TTN: variants seen among roughly 807,000 people sequenced by gnomAD.
The protein encoded by TTN is connectin.
In TTN, 1,525 loss-of-function variants were observed where a neutral mutation model predicts 3,223.0. The ratio of observed to expected loss-of-function variants is 0.47; its 90% CI spans 0.45 to 0.49. The LOEUF (loss-of-function observed/expected upper bound fraction) is 0.49, where lower values mean the gene tolerates loss of function less well. TTN is among the 20% of genes least tolerant of loss of function. The pLI is 0.00. For missense variants in TTN, 40,786 were observed against 43,424.0 expected (o/e 0.94, Z 5.40); for synonymous variants, 14,094 against 15,161.0 (o/e 0.93, Z 5.17).
At chr2:178,663,561 A>G in intron 171 of TTN, 45 bp from the exon 172 acceptor site, 1 of 1,613,750 alleles carries the variant, frequency 6.2e-7, no homozygotes, top group Non-Finnish European at 8.5e-7. Flanking sequence ...TATGAAGACC[A>G]CTAGAAAAAT....
rs981058403 is a variant in TTN, at chr2:178,625,040, G to A, written c.44548+233C>T. On this transcript the variant is annotated intron_variant, in intron 241 of 362. Transcript: ENST00000589042. ...GCTGGCTTTTGAAAATCTAGGATGT[G>A]CAATAAAAACAATAGAGATGGAAGG... is the stretch of plus-strand genomic sequence containing the variant. 3.3e-5 allele frequency among the ~76,000 whole-genome samples: 5 copies of A among 151,798 alleles called. No individual in the cohort carries two copies. The South Asian group carries it at 1.0e-3, about 31-fold the overall frequency.
At position 178,683,475 on chromosome 2, in the gene TTN, C is replaced by A. The variant is rs2627039; in HGVS notation, c.32807-184G>T. Among the ~76,000 whole-genome samples the A allele has an allele frequency of 0.021, 3,231 of 152,034 alleles. 64 individuals are homozygous for A. The highest frequency in any genetic ancestry group is 0.094 in the East Asian group (488 of 5,182). ...CTTACTCTAATATACATATGAAGTA[C>A]GTCAAAGACATTGAATAATTTTAGG... On this transcript the variant is annotated intron_variant, in intron 133 of 362. Coordinates refer to ENST00000589042, the MANE Select transcript of TTN (RefSeq NM_001267550.2).
In TTN at chr2:178,577,089, G is replaced by T; in HGVS notation, c.69246C>A (p.Thr23082=). ...AAACCACTGTCCACAAAAGTCGGCT[G>T]GTTTCTCTCTTTTCAAGTATATAGG... is the stretch of plus-strand genomic sequence containing the variant. The part of the protein sequence containing the change: ...IKSYILEKRE[T]SRLLWTVVSE... Residue 23082 remains threonine (T), a synonymous_variant, in exon 324 of 363, where the codon ACC becomes ACA. Transcript: ENST00000589042. 1 of 1,613,262 alleles carries T rather than the reference G, an allele frequency of 6.2e-7. No individual in the cohort carries two copies. Among genetic ancestry groups the T allele is most frequent in the South Asian group, 1.1e-5 (1 of 91,056 alleles).
Position 178,527,088 on chromosome 2 carries a change from C to T in TTN, c.107900G>A (p.Gly35967Glu), listed in dbSNP as rs780316966. 11 of 1,613,772 alleles carry T rather than the reference C, an allele frequency of 6.8e-6. No individual in the cohort carries two copies. The highest frequency in any genetic ancestry group is 9.3e-6 in the Non-Finnish European group (11 of 1,179,858). ...IIMDVQKQDG[G>E]LYTLSLGNEF... ...ATTCCCTAAACTCAGGGTATAAAGT[C>T]CACCATCTTGTTTCTGTACGTCCAT... The change falls in exon 363 of 363, where the codon GGA becomes GAA. Residue 35967 changes from glycine to glutamate, a missense_variant. Gly to Glu is a moderately conservative substitution (Grantham distance 98, BLOSUM62 -2). Transcript: ENST00000589042.
chr2:178,589,111 T>G lies in TTN; in HGVS notation c.62614A>C (p.Lys20872Gln), dbSNP rs759762547. Reference sequence around the variant, plus strand: ...CTATCACTGGACACATCAACAATTTTCAGATTTCTCACAGGACCAGGCTTA... The same window carrying G: ...CTATCACTGGACACATCAACAATTTGCAGATTTCTCACAGGACCAGGCTTA... The part of the protein sequence containing the change: ...LDKPGPVRNL[K>Q]IVDVSSDRCT... The change falls in exon 304 of 363, where the codon AAA (lysine) becomes CAA (glutamine). Residue 20872 changes from lysine (K) to glutamine (Q), a missense_variant. Lys to Gln is a moderately conservative substitution (Grantham distance 53). Coordinates refer to ENST00000589042, the MANE Select transcript of TTN (RefSeq NM_001267550.2). 13 of 1,611,616 alleles carry G rather than the reference T, an allele frequency of 8.1e-6. No homozygotes were observed. Among genetic ancestry groups the G allele is most frequent in the Non-Finnish European group, 1.1e-5 (13 of 1,179,592 alleles).
chr2:178,732,292 A>G lies in TTN; in HGVS notation c.16677T>C (p.Asp5559=), dbSNP rs762053811. ...LEPSQLLKKG[D]ATQLACKVTG... is the part of the protein sequence containing the mutation. ...TTACTTTGCAGGCTAGCTGGGTGGC[A>G]TCTCCCTTCTTTAACAGCTGTGATG... The change falls in exon 57 of 363, where the codon GAT becomes GAC. Residue 5559 remains aspartate (D), a synonymous_variant. Coordinates refer to ENST00000589042, the MANE Select transcript of TTN (RefSeq NM_001267550.2). The G allele has an allele frequency of 9.9e-6, 16 of 1,613,182 alleles. No individual in the cohort carries two copies. In the South Asian group the frequency reaches 1.6e-4, roughly 17 times the overall value.
Position 178,580,389 on chromosome 2 carries a change from T to G in TTN, c.66990A>C (p.Gly22330=), listed in dbSNP as rs756485222. The change falls in exon 317 of 363, where the codon GGA becomes GGC. Residue 22330 remains glycine, a synonymous_variant. Transcript: ENST00000589042. ...TGTTCTCCAGGGTTAAGATATATTT[T>G]CCTGCATCATATTTGTTCACATTTT... The part of the protein sequence containing the change: ...RCENVNKYDA[G]KYILTLENSC... 6.2e-7 allele frequency: 1 copy of G among 1,613,324 alleles called. No individual in the cohort carries two copies. The highest frequency in any genetic ancestry group is 2.2e-5 in the East Asian group (1 of 44,776).
rs755293761 is a variant in TTN at position 178,617,250 on chromosome 2, A to G, written c.47761-16T>C. 5 of 1,535,554 alleles carry G rather than the reference A, an allele frequency of 3.3e-6. No homozygotes were observed. In the Admixed American group the frequency reaches 8.8e-5, roughly 27 times the overall value. On this transcript the variant is annotated splice_polypyrimidine_tract_variant and intron_variant, in intron 254 of 362. Transcript: ENST00000589042. ...ATCCGGTAACCTACGATTATGAATTAATATTTGTAAAAAACACATACAGTT... is the reference window on the plus strand; with the variant it reads ...ATCCGGTAACCTACGATTATGAATTGATATTTGTAAAAAACACATACAGTT...
At chr2:178,637,187 A>ATATCTATATCTATATATCTATC (rs1164479649) in intron 224 of TTN, among the ~76,000 whole-genome samples, 182 bp downstream of exon 224, 1 of 125,310 alleles carries the variant, frequency 8.0e-6, no homozygotes, top group African/African-American at 3.0e-5. Context: ...ATATATATAT[A>ATATCTATATCTATATATCTATC]TATCTCCTTG....
At chr2:178,750,027 G>A in intron 47 of TTN, 1 of 1,613,166 alleles carries the variant, frequency 6.2e-7, no homozygotes, top group Non-Finnish European at 8.5e-7. Context: ...TCCTCAGTTT[G>A]AAACACTTCT....
In TTN at chr2:178,589,975, C is replaced by T; in HGVS notation, c.61750G>A (p.Glu20584Lys). The T allele has an allele frequency of 1.2e-6, 2 of 1,613,156 alleles. No individual in the cohort carries two copies. Among genetic ancestry groups the T allele is most frequent in the Non-Finnish European group, 1.7e-6 (2 of 1,179,514 alleles). ...TTTTCCCAAGAAATTGTACAGTTCT[C>T]TTTGGTTACATTGGTAACCTTCAAA... is the stretch of plus-strand genomic sequence containing the variant. Reference protein sequence around the residue: ...QNLKVTNVTKENCTISWENPL... With the variant: ...QNLKVTNVTKKNCTISWENPL... Residue 20584 changes from glutamate to lysine, a missense_variant, in exon 304 of 363, where the codon GAG becomes AAG. Glu to Lys is a moderately conservative substitution (Grantham distance 56, BLOSUM62 1). Coordinates refer to ENST00000589042, the MANE Select transcript of TTN (RefSeq NM_001267550.2).
At chr2:178,692,629 A>G (rs1264622597) in intron 119 of TTN, 49 bp from the exon 120 acceptor site, 2 of 1,374,474 alleles carry the variant, frequency 1.5e-6, no homozygotes, top group Non-Finnish European at 1.9e-6. Flanking sequence ...TTGACAAGGC[A>G]TATGTTGTTG....
chr2:178,612,405 TC>T lies in TTN; in HGVS notation c.50119del (p.Asp16707ThrfsTer9). 6.2e-7 allele frequency: 1 copy of T among 1,612,540 alleles called. No homozygotes were observed. The highest frequency in any genetic ancestry group is 2.2e-5 in the East Asian group (1 of 44,546). ...CAGTGGGGTGACTGTGCACTTGGTG[TC>T]CTTGACAGTGGTATCCACTGTTTGC... Reference protein sequence around the residue: ...GWQTVDTTVKDTKCTVTPLTE... With the variant: ...GWQTVDTTVKXTKCTVTPLTE... On this transcript the variant is annotated frameshift_variant, in exon 266 of 363. Transcript: ENST00000589042. LOFTEE classifies it high-confidence loss of function.
intron 223 of TTN, among the ~76,000 whole-genome samples, chr2:178,638,864 G>A (rs1355503577): frequency 6.6e-6 from 1 of 152,014 alleles, no homozygotes; most frequent in African/African-American, 2.4e-5. Flanking sequence ...TGAGGTCTGG[G>A]ATATGAGTGA....
At position 178,783,079 on chromosome 2, in the gene TTN, A is replaced by G. The variant is rs1419161618; in HGVS notation, c.2842-15T>C. The G allele has an allele frequency of 2.5e-6, 4 of 1,613,256 alleles. No individual in the cohort carries two copies. The African/African-American group carries it at 5.3e-5, about 22-fold the overall frequency. Reference sequence around the variant, plus strand: ...TTTTTTAAGCCCTGAAGAGAGGAGAAAAAATAAATAATGATACGTGTGCAT... The same window carrying G: ...TTTTTTAAGCCCTGAAGAGAGGAGAGAAAATAAATAATGATACGTGTGCAT... On this transcript the variant is annotated splice_polypyrimidine_tract_variant and intron_variant, in intron 17 of 362. Transcript: ENST00000589042.
At chr2:178,683,330 C>T in intron 133 of TTN, 39 bp from the exon 134 acceptor site, 1 of 1,300,120 alleles carries the variant, frequency 7.7e-7, no homozygotes, top group Non-Finnish European at 1.1e-6. Context: ...TTGCAAGATT[C>T]TGAAAATGTG....
chr2:178,548,833 G>C lies in TTN; in HGVS notation c.92793C>G (p.Phe30931Leu), dbSNP rs1210776511. The C allele has an allele frequency of 1.9e-6, 3 of 1,612,990 alleles. No individual in the cohort carries two copies. In the East Asian group the frequency reaches 6.7e-5, roughly 36 times the overall value. ...TAPELDIDANFKQTHVVRAGA... is the reference protein window; with the variant it reads ...TAPELDIDANLKQTHVVRAGA... ...CAGCTCTAACAACATGAGTCTGTTT[G>C]AAGTTTGCATCTATGTCTAACTCAG... The change falls in exon 339 of 363, where the codon TTC becomes TTG. Residue 30931 changes from phenylalanine to leucine, a missense_variant. Transcript: ENST00000589042. The surrounding 1 kb of genome is among the most constrained non-coding windows in gnomAD (Gnocchi z 4.3).
Position 178,733,479 on chromosome 2 carries a change from C to T in TTN, c.15814G>A (p.Val5272Met), listed in dbSNP as rs746406893. ...KIIERAELIQ[V>M]TAGDPATLEY... ...AGTGTGGCGGGATCTCCTGCTGTCA[C>T]CTGGATCAGTTCTGCTCGCTCAATG... is the stretch of plus-strand genomic sequence containing the variant. The change falls in exon 54 of 363, where the codon GTG becomes ATG. Residue 5272 changes from valine to methionine, a missense_variant. Val to Met is a conservative substitution (Grantham distance 21). Transcript: ENST00000589042. 1.9e-5 allele frequency: 31 copies of T among 1,613,566 alleles called. No homozygotes were observed. The African/African-American group carries it at 2.9e-4, about 15-fold the overall frequency.
At chr2:178,618,556 A>T in intron 251 of TTN, 28 bp downstream of exon 251, 1 of 1,607,624 alleles carries the variant, frequency 6.2e-7, no homozygotes, top group Non-Finnish European at 8.5e-7. Context: ...TGCTTTGCCA[A>T]TTAAGTCTGA....
Sources: gnomAD v4.1 joint callset for allele counts (sites outside exome capture counted in the v4.1 genomes callset) on GRCh38, gnomAD v4.1.1 for gene constraint, Gnocchi (gnomAD v3.1) non-coding constraint, MANE v1.5 for transcripts, NCBI Gene and HGNC (gene_info 2026-07-23, HGNC 2026-07-21) for gene names.